The following LARGE1 variants were observed in gnomAD, a reference collection of about 807,000 sequenced individuals.
The protein encoded by LARGE1 is LARGE xylosyl- and glucuronyltransferase 1, also known as xylosyl- and glucuronyltransferase LARGE1.
Under a neutral mutation model 87.6 loss-of-function variants are expected in LARGE1, and 43 were observed. That is an observed-to-expected ratio of 0.49 (90% CI 0.38 to 0.63). The LOEUF is 0.63. Among genes scored for constraint, LARGE1 ranks in the 30% least tolerant of loss-of-function variants. The pLI is 0.00. For missense variants in LARGE1, 802 were observed against 1,000.2 expected, an observed-to-expected ratio of 0.80 and a Z score of 2.67; for synonymous variants, 434 against 394.6, an observed-to-expected ratio of 1.10 and a Z score of -1.18.
Position 33,316,266 on chromosome 22 carries a change from G to C in LARGE1, c.1288-18C>G, listed in dbSNP as rs750499971. 10 of 1,612,336 alleles carry C rather than the reference G, an allele frequency of 6.2e-6. No homozygotes were observed. The Admixed American group carries it at 1.7e-4, about 27-fold the overall frequency. The stretch of plus-strand genomic sequence containing the variant: ...TTCTGGAGCTGCAGGGTAGGAGAGA[G>C]GGCTTGGGCACGTGAAGAAGAGGTC... On this transcript the variant is annotated intron_variant, in intron 10 of 14. Coordinates refer to ENST00000397394, the MANE Select transcript of LARGE1 (RefSeq NM_133642.5).
chr22:33,800,664 C>A (rs1449305374), intron 1 of LARGE1, among the ~76,000 whole-genome samples: 1 of 152,190 alleles, frequency 6.6e-6, no homozygotes, highest in African/African-American at 2.4e-5. Context: ...CCTTTTGAGA[C>A]TGGCTTTTTG....
At chr22:33,158,441 T>C (rs141771800), downstream of LARGE1, among the ~76,000 whole-genome samples, 1,761 of 152,318 alleles carry the variant, frequency 0.012, 16 homozygotes, top group Non-Finnish European at 0.018. Flanking sequence ...ACTTAGGTTG[T>C]TGGCCTCAGA....
intron 11 of LARGE1, among the ~76,000 whole-genome samples, chr22:33,265,445 TAG>T (rs1281815374): frequency 1.3e-5 from 2 of 152,164 alleles, no homozygotes; most frequent in African/African-American, 4.8e-5. Context: ...TAGTCCTGAA[TAG>T]AGTCTCACTT....
At chr22:33,771,598 C>T (rs938191362) in intron 1 of LARGE1, among the ~76,000 whole-genome samples, 9 of 152,086 alleles carry the variant, frequency 5.9e-5, no homozygotes, top group African/African-American at 2.2e-4. Context: ...TCTTTCTCTC[C>T]CTAGGTGAAA....
intron 1 of LARGE1, among the ~76,000 whole-genome samples, chr22:33,829,200 G>T (rs1024137791): frequency 2.0e-5 from 3 of 151,646 alleles, no homozygotes; most frequent in African/African-American, 7.3e-5. Flanking sequence ...ATAGAGACGG[G>T]GTTTCGCCAT....
At chr22:33,099,740 A>C in the LARGE1 span, among the ~76,000 whole-genome samples, 1 of 151,358 alleles carries the variant, frequency 6.6e-6, no homozygotes, top group East Asian at 2.1e-4. Flanking sequence ...ATAAATATGT[A>C]AGCATAGGAA....
At chr22:33,898,988 G>A (rs1218464932) in intron 1 of LARGE1, among the ~76,000 whole-genome samples, 2 of 152,162 alleles carry the variant, frequency 1.3e-5, no homozygotes, top group Non-Finnish European at 2.9e-5. Flanking sequence ...CTCCCTATCA[G>A]AAGTGAACAG....
Position 33,509,828 on chromosome 22 carries a change from G to A in LARGE1, c.787+55020C>T, listed in dbSNP as rs541261464. ...AACTGGGCAATTTAAAATCTCTCTCGTCTGCTTTCATTTAGACAGAAATGA... is the reference window on the plus strand; with the variant it reads ...AACTGGGCAATTTAAAATCTCTCTCATCTGCTTTCATTTAGACAGAAATGA... On this transcript the variant is annotated intron_variant, in intron 6 of 14. Transcript: ENST00000397394. 5.3e-5 allele frequency among the ~76,000 whole-genome samples: 8 copies of A among 152,230 alleles called. No homozygotes were observed. The South Asian group carries it at 6.2e-4, about 12-fold the overall frequency.
At chr22:33,455,198 CAGGAATGTTTTTAT>C (rs2068083856) in intron 6 of LARGE1, among the ~76,000 whole-genome samples, 1 of 152,184 alleles carries the variant, frequency 6.6e-6, no homozygotes, top group African/African-American at 2.4e-5. Flanking sequence ...TCCTTTTTGC[CAGGAATGTTTTTAT>C]AGTAACTGAT....
At chr22:33,761,767 C>T (rs1027964054) in intron 1 of LARGE1, among the ~76,000 whole-genome samples, 4 of 152,082 alleles carry the variant, frequency 2.6e-5, no homozygotes, top group Admixed American at 1.3e-4. Context: ...ACTGTAAGCT[C>T]GCTCTCTCAC....
intron 12 of LARGE1, among the ~76,000 whole-genome samples, chr22:33,303,144 C>T (rs1934389927): frequency 6.6e-6 from 1 of 152,148 alleles, no homozygotes; most frequent in Non-Finnish European, 1.5e-5. Context: ...GTGTACTATT[C>T]TGTAATAAAT....
At chr22:33,392,148 CTTCTT>C (rs1223990720) in intron 7 of LARGE1, among the ~76,000 whole-genome samples, 1 of 125,778 alleles carries the variant, frequency 8.0e-6, no homozygotes, top group Admixed American at 7.4e-5. Flanking sequence ...ACACACGCTT[CTTCTT>C]TTTTTTTTTT....
At chr22:33,738,075 G>C (rs1450906549) in intron 2 of LARGE1, among the ~76,000 whole-genome samples, 1 of 152,106 alleles carries the variant, frequency 6.6e-6, no homozygotes. Flanking sequence ...AGATGACGTT[G>C]TTTTATTTCT....
chr22:33,664,457 C>T (rs1379793894), intron 2 of LARGE1, among the ~76,000 whole-genome samples: 1 of 152,190 alleles, frequency 6.6e-6, no homozygotes, highest in Non-Finnish European at 1.5e-5. Flanking sequence ...CCCCACAACC[C>T]CCACCACTAT....
At chr22:33,140,453 T>A in the LARGE1 span, among the ~76,000 whole-genome samples, 4 of 152,228 alleles carry the variant, frequency 2.6e-5, no homozygotes, top group African/African-American at 9.6e-5. Flanking sequence ...ATTGTTCCTG[T>A]GTGTATCTGT....
At chr22:33,742,356 G>A (rs948205608) in intron 2 of LARGE1, among the ~76,000 whole-genome samples, 1 of 152,224 alleles carries the variant, frequency 6.6e-6, no homozygotes, top group African/African-American at 2.4e-5. Flanking sequence ...CTCTTCATGT[G>A]ATGATGTAGC....
At chr22:33,340,666 T>C (rs769131880) in intron 9 of LARGE1, among the ~76,000 whole-genome samples, 10 of 151,918 alleles carry the variant, frequency 6.6e-5, no homozygotes, top group Non-Finnish European at 1.2e-4. Context: ...CTCATGCCCT[T>C]GACTGGGAGC....
chr22:33,306,415 CG>C (rs925210739), intron 11 of LARGE1, among the ~76,000 whole-genome samples: 1 of 152,052 alleles, frequency 6.6e-6, no homozygotes, highest in African/African-American at 2.4e-5. Context: ...AGGAAGTGGG[CG>C]GAAGGAGGGA....
chr22:33,283,472 T>C, intron 12 of LARGE1, 124 bp from the exon 13 acceptor site: 1 of 1,070,580 alleles, frequency 9.3e-7, no homozygotes, highest in South Asian at 1.3e-5. Context: ...GGTCATCCTC[T>C]CAATTAAAGA....
Sources: allele counts gnomAD v4.1 joint callset (sites outside exome capture counted in the v4.1 genomes callset), GRCh38; gene constraint gnomAD v4.1.1; transcripts MANE v1.5; gene names NCBI Gene and HGNC (gene_info 2026-07-23, HGNC 2026-07-21).